CCDC7: variants seen among roughly 807,000 people sequenced by gnomAD.
CCDC7 encodes coiled-coil domain-containing protein 7.
In CCDC7, 183 loss-of-function variants were observed where a neutral mutation model predicts 196.9. The observed-to-expected ratio is 0.93, with a 90% CI of 0.82 to 1.05. The LOEUF (loss-of-function observed/expected upper bound fraction) is 1.05, where lower values mean the gene tolerates loss of function less well. Among genes scored for constraint, CCDC7 ranks in the 50% least tolerant of loss-of-function variants. CCDC7 has a pLI of 0.00. For synonymous variants in CCDC7, 525 were observed against 484.6 expected (o/e 1.08, Z -1.10); for missense variants, 1,540 against 1,482.2 (o/e 1.04, Z -0.64).
exon 29 of CCDC7, chr10:32,779,031 T>C (rs1366410440): frequency 2.6e-6 from 4 of 1,550,194 alleles, no homozygotes; most frequent in Middle Eastern, 1.7e-4. Context: ...CTTCCAGCAA[T>C]GTACCCGTCA....
At chr10:32,462,984 T>G (rs777473184) in intron 4 of CCDC7, 33 bp from the exon 6 acceptor site, 2 of 1,613,158 alleles carry the variant, frequency 1.2e-6, no homozygotes, top group South Asian at 2.2e-5. Flanking sequence ...TAGTCACTAT[T>G]TCTTTTTTTG....
chr10:32,594,357 T>C (rs1313880203), intron 18 of CCDC7, among the ~76,000 whole-genome samples: 1 of 152,190 alleles, frequency 6.6e-6, no homozygotes, highest in Non-Finnish European at 1.5e-5. Flanking sequence ...GTTTGTCTGT[T>C]ATTGGTGTAT....
At chr10:32,469,139 C>T (rs2037432993) in intron 5 of CCDC7, among the ~76,000 whole-genome samples, 1 of 152,162 alleles carries the variant, frequency 6.6e-6, no homozygotes, top group Admixed American at 6.5e-5. Flanking sequence ...AAAATTTAAT[C>T]TGTATTGGGA....
intron 8 of CCDC7, 55 bp from the exon 10 acceptor site, chr10:32,491,867 C>G: frequency 1.4e-6 from 2 of 1,481,018 alleles, no homozygotes; most frequent in South Asian, 1.4e-5. Context: ...TAGCATAGAG[C>G]TATAACTTAA....
chr10:32,503,114 C>A (rs959247387), intron 9 of CCDC7, among the ~76,000 whole-genome samples: 1 of 152,034 alleles, frequency 6.6e-6, no homozygotes, highest in African/African-American at 2.4e-5. Context: ...TTTACTTATT[C>A]TTTTTCTATT....
intron 18 of CCDC7, among the ~76,000 whole-genome samples, chr10:32,627,117 G>A (rs757827569): frequency 7.9e-5 from 12 of 151,414 alleles, no homozygotes; most frequent in Middle Eastern, 3.2e-3. Context: ...ATAGGATTGC[G>A]TTGACACTAT....
chr10:32,500,229 G>C (rs1370061470), intron 9 of CCDC7, among the ~76,000 whole-genome samples: 5 of 150,350 alleles, frequency 3.3e-5, no homozygotes, highest in East Asian at 2.0e-4. Flanking sequence ...CCTGGCGGGG[G>C]CTGCCCCCCG....
chr10:32,466,453 C>A (rs2036820192), intron 5 of CCDC7, among the ~76,000 whole-genome samples: 1 of 152,064 alleles, frequency 6.6e-6, no homozygotes, highest in Non-Finnish European at 1.5e-5. Context: ...ACCCCAGTGT[C>A]TATTGTTTCC....
At chr10:32,557,567 T>A (rs1019939922) in intron 13 of CCDC7, among the ~76,000 whole-genome samples, 6 of 152,232 alleles carry the variant, frequency 3.9e-5, no homozygotes, top group African/African-American at 1.4e-4. Context: ...TTGGGTATTT[T>A]GTATCGATAT....
At chr10:32,788,163 AC>A (rs1555144650) in intron 29 of CCDC7, among the ~76,000 whole-genome samples, 7 of 151,788 alleles carry the variant, frequency 4.6e-5, no homozygotes. Flanking sequence ...CACACCCCAG[AC>A]CGATCCCAGA....
In CCDC7 at chr10:32,766,980, T is replaced by A. The variant is rs573833512; in HGVS notation, c.2906-11997T>A. Reference sequence around the variant, plus strand: ...GTTAGTTGTTAAAATTTGATGTTTCTGTAAGGGGGATGAATAGTGTAGACT... The same window carrying A: ...GTTAGTTGTTAAAATTTGATGTTTCAGTAAGGGGGATGAATAGTGTAGACT... On this transcript the variant is annotated intron_variant, in intron 28 of 41. Transcript: ENST00000639629. 1.4e-3 allele frequency among the ~76,000 whole-genome samples: 217 copies of A among 152,222 alleles called. 1 individual carries two copies. Among genetic ancestry groups the A allele is most frequent in the African/African-American group, 5.0e-3 (206 of 41,554 alleles).
chr10:32,688,992 TC>T, intron 22 of CCDC7, 60 bp from the exon 24 acceptor site: 1 of 1,091,066 alleles, frequency 9.2e-7, no homozygotes, highest in South Asian at 1.4e-5. Context: ...AAATTTGAAA[TC>T]TACAGATTTC....
chr10:32,457,341 A>G (rs1282917302), intron 3 of CCDC7, among the ~76,000 whole-genome samples: 3 of 152,130 alleles, frequency 2.0e-5, no homozygotes, highest in African/African-American at 7.2e-5. Flanking sequence ...CTTTTTTGGA[A>G]TTAAGAGTGA....
intron 21 of CCDC7, among the ~76,000 whole-genome samples, chr10:32,679,770 C>T (rs1302890274): frequency 6.6e-6 from 1 of 152,120 alleles, no homozygotes; most frequent in Non-Finnish European, 1.5e-5. Flanking sequence ...GAAGGCTAGT[C>T]CTTCCTCTGG....
chr10:32,667,585 A>G (rs1326586234), intron 21 of CCDC7, among the ~76,000 whole-genome samples: 1 of 152,144 alleles, frequency 6.6e-6, no homozygotes, highest in Non-Finnish European at 1.5e-5. Flanking sequence ...CTTTCTACAT[A>G]TGGCTAGCCA....
At chr10:32,463,131 A>G in intron 5 of CCDC7, 82 bp downstream of exon 6, 2 of 1,534,938 alleles carry the variant, frequency 1.3e-6, no homozygotes, top group Non-Finnish European at 8.9e-7. Flanking sequence ...TAAGTTAAGT[A>G]TGTATAAGTC....
At chr10:32,811,110 A>T (rs1270101379) in intron 30 of CCDC7, among the ~76,000 whole-genome samples, 1 of 152,076 alleles carries the variant, frequency 6.6e-6, no homozygotes, top group Non-Finnish European at 1.5e-5. Context: ...GAGACTAGAA[A>T]AGCAAAAACA....
At chr10:32,560,357 A>AGACACATAATT (rs2055258409) in intron 13 of CCDC7, among the ~76,000 whole-genome samples, 1 of 152,178 alleles carries the variant, frequency 6.6e-6, no homozygotes, top group African/African-American at 2.4e-5. Context: ...AGCAACTCCA[A>AGACACATAATT]GACACATAAT....
chr10:32,544,344 C>T (rs759794024), intron 13 of CCDC7, 43 bp downstream of exon 14: 3 of 1,568,202 alleles, frequency 1.9e-6, no homozygotes, highest in South Asian at 1.2e-5. Flanking sequence ...TTGATTAATA[C>T]TTGCTCTGAT....
Sources: allele counts gnomAD v4.1 joint callset (sites outside exome capture counted in the v4.1 genomes callset), GRCh38; gene constraint gnomAD v4.1.1; transcripts MANE v1.5; gene names NCBI Gene and HGNC (gene_info 2026-07-23, HGNC 2026-07-21).